UBXN2B: variants seen among roughly 807,000 people sequenced by gnomAD.
UBXN2B encodes UBX domain protein 2B.
A neutral mutation model predicts 37.5 loss-of-function variants in UBXN2B; 19 were observed. That is an observed-to-expected ratio of 0.51 (90% confidence interval 0.35 to 0.74). The LOEUF (loss-of-function observed/expected upper bound fraction) is 0.74, where lower values mean the gene tolerates loss of function less well. UBXN2B is among the 30% of genes least tolerant of loss of function. The pLI is 0.01. For synonymous variants in UBXN2B, 145 were observed against 143.8 expected (o/e 1.01, Z -0.06); for missense variants, 370 against 393.2 (o/e 0.94, Z 0.50).
In UBXN2B at chr8:58,449,543, C is replaced by A. The variant is rs1244414783; in HGVS notation, c.*1992C>A. ...TAATTCCAACTGTGCACTTGTGAAC[C>A]TAGAAAACAAGTTATCTGTTCCCAA... On this transcript the variant is annotated 3_prime_UTR_variant, in exon 8 of 8. Transcript: ENST00000399598. 1 of 152,118 alleles carries A rather than the reference C, an allele frequency of 6.6e-6. No homozygotes were observed. Among genetic ancestry groups the A allele is most frequent in the East Asian group, 1.9e-4 (1 of 5,184 alleles). 9.4% of individuals were successfully genotyped at this position (152,118 alleles called of 1,614,324 possible). A position where few individuals can be genotyped will look rare whatever the true frequency, so the allele number is the denominator to read the frequency against.
chr8:58,411,454 C>A lies in UBXN2B; in HGVS notation c.69C>A (p.Ser23Arg). ...GGTCTTCCGGGCCGCGGCCTCCGAG[C>A]GCGCGGGATTTGCAGGTGAGGCGAG... Reference protein sequence around the residue: ...ERRSSGPRPPSARDLQLALAE... With the variant: ...ERRSSGPRPPRARDLQLALAE... Residue 23 changes from serine to arginine, a missense_variant, in exon 1 of 8, where the codon AGC (serine) becomes AGA (arginine). Physicochemically the swap from Ser to Arg is moderately radical, Grantham distance 110. This residue lies in a region of UBXN2B where 197 missense variants were observed against 170.2 expected (regional missense o/e 1.16). Transcript: ENST00000399598. The A allele has an allele frequency of 8.0e-7, 1 of 1,254,674 alleles. No homozygotes were observed. The highest frequency in any genetic ancestry group is 1.0e-6 in the Non-Finnish European group (1 of 994,320). 77.7% of individuals were successfully genotyped at this position (1,254,674 alleles called of 1,614,324 possible).
intron 5 of UBXN2B, among the ~76,000 whole-genome samples, chr8:58,438,846 G>C (rs557736624): frequency 6.6e-6 from 1 of 152,186 alleles, no homozygotes; most frequent in South Asian, 2.1e-4. Flanking sequence ...TGGATGTTTT[G>C]TCCCCTCCAA....
At chr8:58,434,932 G>T in intron 5 of UBXN2B, 1 of 1,535,530 alleles carries the variant, frequency 6.5e-7, no homozygotes, top group Non-Finnish European at 8.7e-7. Flanking sequence ...ATTACTGCTG[G>T]CAGAAGATTT....
intron 5 of UBXN2B, chr8:58,434,808 A>C: frequency 6.5e-7 from 1 of 1,532,034 alleles, no homozygotes. Context: ...TGAATTAATT[A>C]GTATGTAGCT....
At chr8:58,420,724 T>C (rs1184791577) in intron 2 of UBXN2B, among the ~76,000 whole-genome samples, 1 of 152,222 alleles carries the variant, frequency 6.6e-6, no homozygotes, top group African/African-American at 2.4e-5. Context: ...TAGTTTGATA[T>C]ACAGCAAAGT....
chr8:58,433,199 TG>T lies in UBXN2B; in HGVS notation c.380del (p.Cys127LeufsTer29). 1 of 1,613,340 alleles carries T rather than the reference TG, an allele frequency of 6.2e-7. No homozygotes were observed. Among genetic ancestry groups the T allele is most frequent in the South Asian group, 1.1e-5 (1 of 90,974 alleles). On this transcript the variant is annotated frameshift_variant, in exon 4 of 8. Coordinates refer to ENST00000399598, the MANE Select transcript of UBXN2B (RefSeq NM_001077619.2). LOFTEE classifies it high-confidence loss of function. ...AGGATACAGATTGGGTAGTTCTTTT[TG>T]TAAGCGGTCTGAATATATCTATGGA... Reference protein sequence around the residue: ...GGGYRLGSSFCKRSEYIYGEN... With the variant: ...GGGYRLGSSFXKRSEYIYGEN...
intron 2 of UBXN2B, among the ~76,000 whole-genome samples, chr8:58,423,415 TG>T (rs1183774650): frequency 4.0e-5 from 6 of 150,284 alleles, no homozygotes; most frequent in African/African-American, 1.5e-4. Context: ...GAAGAACAGT[TG>T]GGGGTGGGTT....
chr8:58,420,167 A>G (rs80220161), intron 2 of UBXN2B, among the ~76,000 whole-genome samples: 2 of 152,300 alleles, frequency 1.3e-5, no homozygotes, highest in East Asian at 1.9e-4. Context: ...TTTTGTTTTC[A>G]TATAAGAAAA....
intron 4 of UBXN2B, among the ~76,000 whole-genome samples, chr8:58,433,562 C>T (rs971449252): frequency 6.7e-6 from 1 of 150,306 alleles, no homozygotes; most frequent in African/African-American, 2.5e-5. Flanking sequence ...ATCACTTGAG[C>T]CCAGAAGTTC....
chr8:58,414,050 C>T (rs1280346805), intron 1 of UBXN2B, among the ~76,000 whole-genome samples: 2 of 152,166 alleles, frequency 1.3e-5, no homozygotes, highest in Non-Finnish European at 2.9e-5. Flanking sequence ...ACAGGGATAA[C>T]TTCAGTATTG....
In UBXN2B at chr8:58,447,742, T is replaced by A. The variant is rs1334734895; in HGVS notation, c.*191T>A. Reference sequence around the variant, plus strand: ...TTAGGAATAGACCTTGAGATAAGTATGTTTGAGTTTTTAGTTGAAGGACTG... The same window carrying A: ...TTAGGAATAGACCTTGAGATAAGTAAGTTTGAGTTTTTAGTTGAAGGACTG... On this transcript the variant is annotated 3_prime_UTR_variant, in exon 8 of 8. Coordinates refer to ENST00000399598, the MANE Select transcript of UBXN2B (RefSeq NM_001077619.2). 1.5e-5 allele frequency: 7 copies of A among 473,602 alleles called. No homozygotes were observed. Among genetic ancestry groups the A allele is most frequent in the Non-Finnish European group, 2.4e-5 (7 of 290,274 alleles). 29.3% of individuals were successfully genotyped at this position (473,602 alleles called of 1,614,324 possible).
At chr8:58,415,757 A>T (rs1807761489) in intron 1 of UBXN2B, among the ~76,000 whole-genome samples, 1 of 152,106 alleles carries the variant, frequency 6.6e-6, no homozygotes, top group South Asian at 2.1e-4. Flanking sequence ...ATTTGAATTC[A>T]GTCCTTTTAG....
At chr8:58,444,219 A>C (rs1221450437) in intron 6 of UBXN2B, among the ~76,000 whole-genome samples, 1 of 152,208 alleles carries the variant, frequency 6.6e-6, no homozygotes, top group Non-Finnish European at 1.5e-5. Flanking sequence ...TACCAATAGG[A>C]ATATTGGGGG....
Position 58,439,735 on chromosome 8 carries a change from C to G in UBXN2B, c.636C>G (p.Phe212Leu). 1 of 1,605,634 alleles carries G rather than the reference C, an allele frequency of 6.2e-7. No homozygotes were observed. The highest frequency in any genetic ancestry group is 8.5e-7 in the Non-Finnish European group (1 of 1,176,426). Residue 212 changes from phenylalanine to leucine, a missense_variant, in exon 6 of 8, where the codon TTC becomes TTG. Phe to Leu is a conservative substitution (Grantham distance 22). Coordinates refer to ENST00000399598, the MANE Select transcript of UBXN2B (RefSeq NM_001077619.2). ...AATACATAAAACCTAGATTGAGGTT[C>G]AAGGCTTTTAGTGGAGAAGGGCAAA... The part of the protein sequence containing the change: ...DQEYIKPRLR[F>L]KAFSGEGQKL...
chr8:58,444,483 C>T (rs1808622766), intron 6 of UBXN2B, among the ~76,000 whole-genome samples: 1 of 152,144 alleles, frequency 6.6e-6, no homozygotes, highest in Non-Finnish European at 1.5e-5. Context: ...CACTGCTTCC[C>T]AGGCTGATGT....
chr8:58,422,043 A>G (rs1807940156), intron 2 of UBXN2B, among the ~76,000 whole-genome samples: 1 of 152,252 alleles, frequency 6.6e-6, no homozygotes, highest in Admixed American at 6.5e-5. Context: ...GTCAAAACAA[A>G]ACCAAAGCAA....
At chr8:58,420,096 C>T (rs183976036) in intron 2 of UBXN2B, among the ~76,000 whole-genome samples, 3 of 152,140 alleles carry the variant, frequency 2.0e-5, no homozygotes, top group African/African-American at 4.8e-5. Flanking sequence ...AATTTAGTGA[C>T]AAAACTATAA....
chr8:58,411,530 C>A, intron 1 of UBXN2B, 61 bp downstream of exon 1: 1 of 1,222,546 alleles, frequency 8.2e-7, no homozygotes. Context: ...ACGGCGCGGG[C>A]TGGTGCGAGT....
At position 58,438,628 on chromosome 8, in the gene UBXN2B, A is replaced by G. The variant is rs185973759; in HGVS notation, c.534-1005A>G. ...ATGTTTACCCAATGCCTATACCACCATTCTATCTTAGAAGTAAATAGTTAA... is the reference window on the plus strand; with the variant it reads ...ATGTTTACCCAATGCCTATACCACCGTTCTATCTTAGAAGTAAATAGTTAA... On this transcript the variant is annotated intron_variant, in intron 5 of 7. Coordinates refer to ENST00000399598, the MANE Select transcript of UBXN2B (RefSeq NM_001077619.2). Among the ~76,000 whole-genome samples, 539 of 152,344 alleles carry G rather than the reference A, an allele frequency of 3.5e-3. 4 individuals carry two copies. The highest frequency in any genetic ancestry group is 0.012 in the African/African-American group (515 of 41,582).
Sources: allele counts gnomAD v4.1 joint callset (sites outside exome capture counted in the v4.1 genomes callset), GRCh38; gene constraint gnomAD v4.1.1; regional missense constraint gnomAD v4.1.1; transcripts MANE v1.5; gene names NCBI Gene and HGNC (gene_info 2026-07-23, HGNC 2026-07-21).